ASMTL: variants seen among roughly 807,000 people sequenced by gnomAD.
ASMTL encodes the protein probable bifunctional dTTP/UTP pyrophosphatase/methyltransferase protein.
Under a neutral mutation model 60.3 loss-of-function variants are expected in ASMTL, and 57 were observed. That is an observed-to-expected ratio of 0.95 (90% CI 0.76 to 1.18). The LOEUF is 1.18. ASMTL is among the 50% of genes most tolerant of loss of function. The pLI, the probability that ASMTL is intolerant of heterozygous loss-of-function variation, is 0.00. For missense variants in ASMTL, 981 were observed against 852.6 expected (o/e 1.15, Z -1.88); for synonymous variants, 419 against 373.0 (o/e 1.12, Z -1.42).
rs1227929676 is a variant in ASMTL, at chrX:1,403,399, T to A, written c.1736A>T (p.Gln579Leu). 1 of 1,613,484 alleles carries A rather than the reference T, an allele frequency of 6.2e-7. No individual in the cohort carries two copies. Among genetic ancestry groups the A allele is most frequent in the Non-Finnish European group, 8.5e-7 (1 of 1,179,860 alleles). ...ALMQSLNMLVQTEGKERSLGE... is the reference protein window; with the variant it reads ...ALMQSLNMLVLTEGKERSLGE... ...CAGGCTCCGCTCCTTGCCTTCAGTCTGCACCAGCATGTTCAGTGACTGCAT... is the reference window on the plus strand; with the variant it reads ...CAGGCTCCGCTCCTTGCCTTCAGTCAGCACCAGCATGTTCAGTGACTGCAT... The change falls in exon 13 of 13, where the codon CAG becomes CTG. Residue 579 changes from glutamine (Q) to leucine (L), a missense_variant. Transcript: ENST00000381317.
At chrX:1,453,029 C>G, upstream of ASMTL, 1 of 528,714 alleles carries the variant, frequency 1.9e-6, no homozygotes, top group Non-Finnish European at 3.1e-6. Context: ...CCAGGCCACG[C>G]CTCCATTGAA....
chrX:1,452,850 G>T lies in ASMTL; in HGVS notation c.-10C>A, dbSNP rs761112082. 5.8e-6 allele frequency: 9 copies of T among 1,554,428 alleles called. No homozygotes were observed. The highest frequency in any genetic ancestry group is 7.8e-6 in the Non-Finnish European group (9 of 1,159,104). On this transcript the variant is annotated 5_prime_UTR_variant, in exon 1 of 13. Transcript: ENST00000381317. ...CCGGGCACAGCACCATGGCGTCCACGCCGGGAGCCGGGCGTCCGCACTTCT... is the reference window on the plus strand; with the variant it reads ...CCGGGCACAGCACCATGGCGTCCACTCCGGGAGCCGGGCGTCCGCACTTCT...
chrX:1,451,966 G>C (rs2091402226), intron 1 of ASMTL, among the ~76,000 whole-genome samples: 1 of 148,222 alleles, frequency 6.7e-6, no homozygotes, highest in Admixed American at 6.7e-5. Context: ...AGGGCGTCCT[G>C]GGTTACTCTC....
intron 8 of ASMTL, among the ~76,000 whole-genome samples, chrX:1,422,533 G>A (rs1422220986): frequency 1.3e-5 from 2 of 152,046 alleles, no homozygotes; most frequent in African/African-American, 2.4e-5. Flanking sequence ...TTCATGCCCA[G>A]GTCAGCTGTC....
At chrX:1,410,783 G>C (rs1332511395) in intron 12 of ASMTL, among the ~76,000 whole-genome samples, 1 of 152,040 alleles carries the variant, frequency 6.6e-6, no homozygotes, top group Non-Finnish European at 1.5e-5. Flanking sequence ...CCAGCTACTC[G>C]GGAGGCTGAG....
chrX:1,425,364 A>G (rs1293610101), intron 8 of ASMTL, 161 bp downstream of exon 8: 7 of 375,672 alleles, frequency 1.9e-5, no homozygotes, highest in Non-Finnish European at 2.6e-5. Flanking sequence ...TCTGTCATTC[A>G]CCCTCTGCTT....
chrX:1,413,440 G>A (rs1398668954), intron 11 of ASMTL, among the ~76,000 whole-genome samples: 17 of 152,232 alleles, frequency 1.1e-4, no homozygotes, highest in Non-Finnish European at 2.5e-4. Context: ...GGGAGAGTCG[G>A]GGCCGCACTG....
At chrX:1,418,602 C>T (rs2090384518) in intron 10 of ASMTL, among the ~76,000 whole-genome samples, 2 of 151,996 alleles carry the variant, frequency 1.3e-5, no homozygotes, top group African/African-American at 2.4e-5. Flanking sequence ...GTGTGAGAAT[C>T]GTCCCAGGCC....
Position 1,425,735 on chromosome X carries a change from C to T in ASMTL, c.898-48G>A, listed in dbSNP as rs750577351. ...GACTCATTAAGTCCCTTGTCCAGTA[C>T]TTTCTACTCCCACAGACTCAAAAGA... On this transcript the variant is annotated intron_variant, in intron 7 of 12. Transcript: ENST00000381317. 19 of 1,581,066 alleles carry T rather than the reference C, an allele frequency of 1.2e-5. No homozygotes were observed. The African/African-American group carries it at 2.6e-4, about 21-fold the overall frequency.
intron 12 of ASMTL, among the ~76,000 whole-genome samples, chrX:1,407,385 GATGA>G (rs1442891471): frequency 6.6e-5 from 10 of 150,576 alleles, no homozygotes; most frequent in Non-Finnish European, 1.2e-4. Flanking sequence ...CAGGTAGGTA[GATGA>G]ATGGATGGAT....
At chrX:1,404,486 A>G (rs1157414560) in intron 12 of ASMTL, among the ~76,000 whole-genome samples, 1 of 143,316 alleles carries the variant, frequency 7.0e-6, no homozygotes, top group African/African-American at 2.6e-5. Context: ...GGATGTATAG[A>G]TGGATGGATG....
rs2090816313 is a variant in ASMTL at position 1,432,275 on chromosome X, T to C, written c.503A>G (p.Glu168Gly). 6.2e-7 allele frequency: 1 copy of C among 1,607,160 alleles called. No individual in the cohort carries two copies. ...ELLWEYVHSG[E>G]PMDKAGGYGI... ...CACCGCCCCCGAGACTCACATGGGC[T>C]CCCCGCTGTGGACGTATTCCCAGAG... is the stretch of plus-strand genomic sequence containing the variant. Residue 168 changes from glutamate (E) to glycine (G), a missense_variant, in exon 6 of 13, where the codon GAG becomes GGG. By Grantham distance (98) the Glu-to-Gly change is moderately conservative. Transcript: ENST00000381317.
chrX:1,428,601 C>T (rs1246960029), intron 6 of ASMTL, among the ~76,000 whole-genome samples: 3 of 145,724 alleles, frequency 2.1e-5, no homozygotes, highest in African/African-American at 5.1e-5. Context: ...GAGCCGAGAT[C>T]GTGCCACTGC....
At chrX:1,433,872 C>G (rs2090884819) in intron 5 of ASMTL, among the ~76,000 whole-genome samples, 2 of 152,102 alleles carry the variant, frequency 1.3e-5, no homozygotes, top group Non-Finnish European at 2.9e-5. Context: ...AAACCCCAAG[C>G]TGGGAAGGAA....
At chrX:1,403,677 A>G (rs1268102166) in intron 12 of ASMTL, 188 bp from the exon 13 acceptor site, 19 of 606,484 alleles carry the variant, frequency 3.1e-5, no homozygotes, top group South Asian at 5.8e-5. Flanking sequence ...GCGGACAGAC[A>G]GGGAGAAGGA....
upstream of ASMTL, among the ~76,000 whole-genome samples, chrX:1,453,197 T>C (rs1449776882): frequency 4.0e-5 from 4 of 99,480 alleles, no homozygotes; most frequent in East Asian, 3.0e-4. Flanking sequence ...CATTGCCCTC[T>C]CCGCCAGGCC....
chrX:1,413,033 G>T, intron 11 of ASMTL, 179 bp from the exon 12 acceptor site: 1 of 681,428 alleles, frequency 1.5e-6, no homozygotes, highest in Non-Finnish European at 2.6e-6. Context: ...TCCATGAGGA[G>T]CTGGTTAGTG....
intron 5 of ASMTL, among the ~76,000 whole-genome samples, chrX:1,434,088 G>C (rs1340075994): frequency 1.3e-5 from 2 of 152,184 alleles, no homozygotes; most frequent in Non-Finnish European, 2.9e-5. Flanking sequence ...TGTCAGAACT[G>C]ACTGAATTCT....
At chrX:1,450,907 G>A (rs1434643402) in intron 1 of ASMTL, among the ~76,000 whole-genome samples, 19 of 128,032 alleles carry the variant, frequency 1.5e-4, no homozygotes, top group African/African-American at 5.1e-4. Context: ...TGGGTCCCGG[G>A]TCACTCTGCC....
Sources: gnomAD v4.1 joint callset for allele counts (sites outside exome capture counted in the v4.1 genomes callset) on GRCh38, gnomAD v4.1.1 for gene constraint, MANE v1.5 for transcripts, NCBI Gene and HGNC (gene_info 2026-07-23, HGNC 2026-07-21) for gene names.